Variants in SLC25A48 observed in about 807,000 individuals in gnomAD.
SLC25A48 encodes the protein solute carrier family 25 member 48, also known as CTC-321K16.1.
SLC25A48 carries 29 observed loss-of-function variants against 32.2 expected under a neutral mutation model. That is an observed-to-expected ratio of 0.90 (90% confidence interval 0.67 to 1.23). SLC25A48 has a LOEUF of 1.23. Among genes scored for constraint, SLC25A48 ranks in the 50% most tolerant of loss-of-function variants. The pLI is 0.00. For synonymous variants in SLC25A48, 164 were observed against 172.3 expected (o/e 0.95, Z 0.38); for missense variants, 399 against 422.7 (o/e 0.94, Z 0.49).
chr5:135,768,764 C>T (rs923438267), intron 3 of SLC25A48, among the ~76,000 whole-genome samples: 19 of 151,620 alleles, frequency 1.3e-4, no homozygotes, highest in African/African-American at 4.4e-4. Context: ...CTCTCAATAT[C>T]GCTGGGCTTG....
intron 3 of SLC25A48, among the ~76,000 whole-genome samples, chr5:135,779,488 G>A (rs1045103905): frequency 7.9e-5 from 12 of 151,640 alleles, no homozygotes; most frequent in African/African-American, 2.9e-4. Flanking sequence ...GGGGAGAGAG[G>A]ATGATATTAC....
chr5:135,673,290 T>G (rs370534789), intron 3 of SLC25A48, among the ~76,000 whole-genome samples: 16 of 152,306 alleles, frequency 1.1e-4, no homozygotes, highest in African/African-American at 2.9e-4. Context: ...TGCTTAACTT[T>G]CCAAATATAT....
intron 3 of SLC25A48, among the ~76,000 whole-genome samples, chr5:135,715,391 G>A (rs541059368): frequency 6.6e-6 from 1 of 152,316 alleles, no homozygotes; most frequent in African/African-American, 2.4e-5. Context: ...TAGTCAGGGT[G>A]GTACAGCTCT....
intron 1 of SLC25A48, among the ~76,000 whole-genome samples, chr5:135,606,460 G>C (rs973362570): frequency 1.3e-5 from 2 of 152,190 alleles, no homozygotes; most frequent in Admixed American, 1.3e-4. Flanking sequence ...AGCACCACCA[G>C]GTCACAAAGT....
In SLC25A48 at chr5:135,754,083, G is replaced by C. The variant is rs1435147172; in HGVS notation, c.-520-58440G>C. On this transcript the variant is annotated intron_variant, in intron 3 of 10. Transcript: ENST00000646290. ...GGATATCACAGGGTGTACACCCACT[G>C]TGACAGTGGCAGTCATGTCTCAAGG... 2.6e-5 allele frequency among the ~76,000 whole-genome samples: 4 copies of C among 151,778 alleles called. No individual in the cohort carries two copies. In the East Asian group the frequency reaches 5.8e-4, roughly 22 times the overall value.
At chr5:135,612,710 C>T (rs1752101849) in intron 1 of SLC25A48, among the ~76,000 whole-genome samples, 1 of 152,190 alleles carries the variant, frequency 6.6e-6, no homozygotes, top group Non-Finnish European at 1.5e-5. Flanking sequence ...GTTGCTGCAA[C>T]TTATAGGATT....
intron 3 of SLC25A48, among the ~76,000 whole-genome samples, chr5:135,637,221 T>C (rs2126912968): frequency 6.6e-6 from 1 of 152,328 alleles, no homozygotes; most frequent in Admixed American, 6.5e-5. Flanking sequence ...TGAAACAACC[T>C]ACACAGTGAA....
chr5:135,658,372 G>C (rs1425217440), intron 3 of SLC25A48, among the ~76,000 whole-genome samples: 1 of 152,150 alleles, frequency 6.6e-6, no homozygotes, highest in Non-Finnish European at 1.5e-5. Flanking sequence ...CATATCCAGG[G>C]CACACTGATG....
At chr5:135,706,955 G>A (rs72789467) in intron 3 of SLC25A48, among the ~76,000 whole-genome samples, 1 of 152,346 alleles carries the variant, frequency 6.6e-6, no homozygotes, top group Non-Finnish European at 1.5e-5. Flanking sequence ...GACCAAATAG[G>A]CCAGGTAGAG....
At chr5:135,828,418 C>A (rs1758120751) in intron 4 of SLC25A48, among the ~76,000 whole-genome samples, 1 of 152,246 alleles carries the variant, frequency 6.6e-6, no homozygotes, top group Non-Finnish European at 1.5e-5. Context: ...GTACAGTTAT[C>A]ACCCCCATCT....
intron 1 of SLC25A48, among the ~76,000 whole-genome samples, chr5:135,608,433 T>C (rs1214661803): frequency 6.6e-6 from 1 of 152,220 alleles, no homozygotes; most frequent in Non-Finnish European, 1.5e-5. Flanking sequence ...AGTGAGCAGC[T>C]GCTGTTCTTT....
chr5:135,832,386 C>T (rs1758238147), upstream of SLC25A48, among the ~76,000 whole-genome samples: 1 of 152,196 alleles, frequency 6.6e-6, no homozygotes, highest in Non-Finnish European at 1.5e-5. Context: ...AGCGCCTTCA[C>T]TGCAGCAGGT....
intron 3 of SLC25A48, among the ~76,000 whole-genome samples, chr5:135,726,855 T>C (rs1005844088): frequency 6.6e-6 from 1 of 152,224 alleles, no homozygotes; most frequent in Admixed American, 6.5e-5. Flanking sequence ...GGTTCTCTGG[T>C]AGTTGCATAT....
At chr5:135,711,390 A>G (rs1367119685) in intron 3 of SLC25A48, among the ~76,000 whole-genome samples, 2 of 152,132 alleles carry the variant, frequency 1.3e-5, no homozygotes, top group African/African-American at 4.8e-5. Context: ...AGCAGCATCG[A>G]GAAGACGGGG....
intron 3 of SLC25A48, among the ~76,000 whole-genome samples, chr5:135,689,784 G>A (rs768934740): frequency 1.3e-5 from 2 of 152,210 alleles, no homozygotes; most frequent in Non-Finnish European, 2.9e-5. Flanking sequence ...GAGCAACCCA[G>A]CTATGCTGTT....
intron 3 of SLC25A48, among the ~76,000 whole-genome samples, chr5:135,789,206 GCCA>G (rs370949024): frequency 8.7e-5 from 12 of 138,444 alleles, no homozygotes; most frequent in South Asian, 2.3e-4. Flanking sequence ...ACCCTCCCCC[GCCA>G]CGATATGGTT....
chr5:135,704,134 C>A (rs1754455160), intron 3 of SLC25A48, among the ~76,000 whole-genome samples: 1 of 152,200 alleles, frequency 6.6e-6, no homozygotes, highest in South Asian at 2.1e-4. Flanking sequence ...ACACACTGTT[C>A]TGGGCGGCAG....
At chr5:135,749,560 C>A (rs1422728887) in intron 3 of SLC25A48, among the ~76,000 whole-genome samples, 1 of 152,068 alleles carries the variant, frequency 6.6e-6, no homozygotes, top group Non-Finnish European at 1.5e-5. Flanking sequence ...CACCTGAGGA[C>A]CACTTCTTTT....
intron 1 of SLC25A48, among the ~76,000 whole-genome samples, chr5:135,593,624 C>G (rs1222924143): frequency 6.6e-6 from 1 of 152,224 alleles, no homozygotes; most frequent in South Asian, 2.1e-4. Flanking sequence ...CAGGTACTGA[C>G]TGATAAGCTA....
Sources: gnomAD v4.1 joint callset for allele counts (sites outside exome capture counted in the v4.1 genomes callset) on GRCh38, gnomAD v4.1.1 for gene constraint, MANE v1.5 for transcripts, NCBI Gene and HGNC (gene_info 2026-07-23, HGNC 2026-07-21) for gene names.